Variants in DNAH7 observed in about 807,000 individuals in gnomAD.
The protein encoded by DNAH7 is axonemal beta dynein heavy chain 7.
A neutral mutation model predicts 444.6 loss-of-function variants in DNAH7; 397 were observed. The observed-to-expected ratio is 0.89, with a 90% confidence interval of 0.82 to 0.97. The LOEUF (loss-of-function observed/expected upper bound fraction) is 0.97. Ranked by LOEUF, DNAH7 falls within the 50% of genes least tolerant of loss-of-function variation. The pLI is 0.00. For synonymous variants in DNAH7, 1,636 were observed against 1,624.4 expected (o/e 1.01, Z -0.17); for missense variants, 4,902 against 4,800.8 (o/e 1.02, Z -0.62).
At chr2:195,897,566 C>T in intron 29 of DNAH7, 101 bp downstream of exon 29, 1 of 624,456 alleles carries the variant, frequency 1.6e-6, no homozygotes, top group South Asian at 2.6e-5. Flanking sequence ...TTTCTCTGTA[C>T]TGTGTCATTG....
Position 195,862,785 on chromosome 2 carries a change from C to G in DNAH7, c.7507-839G>C, listed in dbSNP as rs192972102. Among the ~76,000 whole-genome samples the G allele has an allele frequency of 1.4e-3, 217 of 152,290 alleles. 1 individual carries two copies. The highest frequency in any genetic ancestry group is 4.8e-3 in the African/African-American group (198 of 41,566). ...TTTAAAAAGTATTTACCTGTAATCC[C>G]AGCACTTTGGGAGGCCGAGGCGGGC... On this transcript the variant is annotated intron_variant, in intron 41 of 64. Coordinates refer to ENST00000312428, the MANE Select transcript of DNAH7 (RefSeq NM_018897.3).
At chr2:195,812,258 G>C (rs1364486312) in intron 51 of DNAH7, among the ~76,000 whole-genome samples, 1 of 151,992 alleles carries the variant, frequency 6.6e-6, no homozygotes, top group Non-Finnish European at 1.5e-5. Flanking sequence ...AGATTAATTT[G>C]AGTAATGACT....
chr2:196,050,912 T>G (rs2125861692), intron 3 of DNAH7, among the ~76,000 whole-genome samples: 1 of 152,322 alleles, frequency 6.6e-6, no homozygotes. Flanking sequence ...CCCCAAGCCC[T>G]TTTTTATTTA....
chr2:195,933,212 C>T (rs1308607628), intron 21 of DNAH7, among the ~76,000 whole-genome samples: 4 of 152,184 alleles, frequency 2.6e-5, no homozygotes, highest in African/African-American at 7.2e-5. Flanking sequence ...TACCATCTCA[C>T]ACCAGTTAGA....
At chr2:196,036,045 TTTC>T (rs1696365305) in intron 5 of DNAH7, among the ~76,000 whole-genome samples, 1 of 149,908 alleles carries the variant, frequency 6.7e-6, no homozygotes. Context: ...TTTTTTTTTT[TTTC>T]CAGGCAGAGT....
chr2:195,849,071 A>AT (rs946612915), intron 46 of DNAH7, among the ~76,000 whole-genome samples: 2 of 152,036 alleles, frequency 1.3e-5, no homozygotes, highest in African/African-American at 4.8e-5. Context: ...CAAACATTCA[A>AT]TTTTTTTATT....
At position 195,948,735 on chromosome 2, in the gene DNAH7, T is replaced by A. The variant is rs543445216; in HGVS notation, c.3078+8526A>T. Among the ~76,000 whole-genome samples the A allele has an allele frequency of 7.1e-3, 1,082 of 152,204 alleles. 7 individuals are homozygous for A. Among genetic ancestry groups the A allele is most frequent in the African/African-American group, 0.024 (1,017 of 41,542 alleles). On this transcript the variant is annotated intron_variant, in intron 19 of 64. Transcript: ENST00000312428. Reference sequence around the variant, plus strand: ...TGAAGTCAGGTAGCGTGATGCCTCTTGCTTTGTTCTTTTTGCTTAGGATTG... The same window carrying A: ...TGAAGTCAGGTAGCGTGATGCCTCTAGCTTTGTTCTTTTTGCTTAGGATTG...
intron 15 of DNAH7, among the ~76,000 whole-genome samples, chr2:195,979,473 G>A (rs903060753): frequency 6.6e-6 from 1 of 152,080 alleles, no homozygotes; most frequent in African/African-American, 2.4e-5. Context: ...CACAGCAAAA[G>A]CAGCACAAAG....
At chr2:196,068,097 T>C (rs1698526817) in intron 1 of DNAH7, among the ~76,000 whole-genome samples, 1 of 152,210 alleles carries the variant, frequency 6.6e-6, no homozygotes, top group South Asian at 2.1e-4. Flanking sequence ...GCAAAGTGCA[T>C]CTTTTATCAC....
In DNAH7 at chr2:195,906,915, AT is replaced by A; in HGVS notation, c.4198del (p.Ile1400SerfsTer12). On this transcript the variant is annotated frameshift_variant, in exon 26 of 65. Transcript: ENST00000312428. LOFTEE classifies it high-confidence loss of function. ...LSVVAQQILTIQRGINAGADI... is the reference protein window; with the variant it reads ...LSVVAQQILTXQRGINAGADI... ...ACAAACTAGTCCATTACCTCTTTGG[AT>A]AGTAAGGATTTGTTGAGCAACCACA... 1 of 1,612,684 alleles carries A rather than the reference AT, an allele frequency of 6.2e-7. No individual in the cohort carries two copies. The highest frequency in any genetic ancestry group is 1.1e-5 in the South Asian group (1 of 90,984).
intron 5 of DNAH7, among the ~76,000 whole-genome samples, chr2:196,033,357 C>T (rs538874483): frequency 6.6e-6 from 1 of 152,258 alleles, no homozygotes; most frequent in East Asian, 1.9e-4. Flanking sequence ...AATACATTTA[C>T]TAAATTTGCC....
At chr2:195,858,398 G>C (rs1699834695) in intron 43 of DNAH7, 76 bp downstream of exon 43, 1 of 1,245,612 alleles carries the variant, frequency 8.0e-7, no homozygotes, top group Admixed American at 2.9e-5. Flanking sequence ...AGACAAACTA[G>C]ACTAGAACAC....
intron 41 of DNAH7, among the ~76,000 whole-genome samples, chr2:195,862,310 T>C (rs1285931261): frequency 6.6e-6 from 1 of 152,204 alleles, no homozygotes; most frequent in Non-Finnish European, 1.5e-5. Flanking sequence ...GAGAATGATG[T>C]AGGCATTATT....
chr2:195,738,625 C>G (rs1248754236), intron 64 of DNAH7, among the ~76,000 whole-genome samples: 1 of 152,042 alleles, frequency 6.6e-6, no homozygotes, highest in Non-Finnish European at 1.5e-5. Context: ...AATTGCATTC[C>G]TTTATAACCA....
At chr2:196,007,733 C>G (rs10185664) in intron 10 of DNAH7, among the ~76,000 whole-genome samples, 2,193 of 152,236 alleles carry the variant, frequency 0.014, 60 homozygotes, top group African/African-American at 0.05. Context: ...TCTTGCCTGT[C>G]GCCATGTAGG....
chr2:195,931,196 A>G (rs1688669900), intron 21 of DNAH7, among the ~76,000 whole-genome samples: 1 of 152,174 alleles, frequency 6.6e-6, no homozygotes, highest in South Asian at 2.1e-4. Context: ...ATATTTAAAA[A>G]AATAAAAATT....
At chr2:196,039,801 A>G (rs1696628007) in intron 5 of DNAH7, among the ~76,000 whole-genome samples, 1 of 151,886 alleles carries the variant, frequency 6.6e-6, no homozygotes, top group Admixed American at 6.5e-5. Flanking sequence ...AAAAAAAAAA[A>G]AAGACAAAAA....
chr2:195,884,844 A>T (rs1356262938), intron 34 of DNAH7, 35 bp from the exon 35 acceptor site: 1 of 1,545,142 alleles, frequency 6.5e-7, no homozygotes, highest in Non-Finnish European at 8.9e-7. Context: ...AAGAACAATT[A>T]AAGAATAATT....
chr2:195,995,549 A>T, intron 12 of DNAH7: 3 of 294,238 alleles, frequency 1.0e-5, no homozygotes, highest in Non-Finnish European at 2.0e-5. Context: ...TGCTGCTGTA[A>T]GGGCATTTCC....
Sources: allele counts gnomAD v4.1 joint callset (sites outside exome capture counted in the v4.1 genomes callset), GRCh38; gene constraint gnomAD v4.1.1; transcripts MANE v1.5; gene names NCBI Gene and HGNC (gene_info 2026-07-23, HGNC 2026-07-21).